CARNS1: variants seen among roughly 807,000 people sequenced by gnomAD.
CARNS1 encodes the protein ATP-grasp domain containing 1.
Under a neutral mutation model 74.0 loss-of-function variants are expected in CARNS1, and 61 were observed. The observed-to-expected ratio is 0.82, with a 90% CI of 0.67 to 1.02. The LOEUF is 1.02. Among genes scored for constraint, CARNS1 ranks in the 50% least tolerant of loss-of-function variants. The pLI is 0.00. For synonymous variants in CARNS1, 568 were observed against 605.5 expected (o/e 0.94, Z 0.91); for missense variants, 1,278 against 1,308.4 (o/e 0.98, Z 0.36).
chr11:67,416,050 G>T, intron 1 of CARNS1, 126 bp from the exon 2 acceptor site: 1 of 692,836 alleles, frequency 1.4e-6, no homozygotes, highest in Non-Finnish European at 2.6e-6. Flanking sequence ...GGGCTGCCTT[G>T]GCCTCTCTCT....
In CARNS1 at chr11:67,424,365, C is replaced by A; in HGVS notation, c.2617C>A (p.Leu873Met). The change falls in exon 10 of 10, where the codon CTG becomes ATG. Residue 873 changes from leucine (L) to methionine (M), a missense_variant. Coordinates refer to ENST00000687366, the MANE Select transcript of CARNS1 (RefSeq NM_001166222.2). The stretch of plus-strand genomic sequence containing the variant: ...CCTTGTGTCCCAGCACCTGCAGGCC[C>A]TGAGTTCCACCGCCAGCCGTGAGAC... ...MCLVSQHLQA[L>M]SSTASRETLQ... The A allele has an allele frequency of 6.2e-7, 1 of 1,600,622 alleles. No homozygotes were observed.
rs1157358877 is a variant in CARNS1, at chr11:67,421,144, A to G, written c.1551A>G (p.Lys517=). 1.3e-6 allele frequency: 2 copies of G among 1,490,128 alleles called. No individual in the cohort carries two copies. The highest frequency in any genetic ancestry group is 1.8e-6 in the Non-Finnish European group (2 of 1,126,652). 92.3% of individuals were successfully genotyped at this position (1,490,128 alleles called of 1,614,324 possible). Residue 517 remains lysine, a synonymous_variant, in exon 9 of 10, where the codon AAA becomes AAG. Transcript: ENST00000687366. ...RRSARCLMEG[K]QLLVVGAGGV... Reference sequence around the variant, plus strand: ...CGGCGCGCTGCCTCATGGAGGGAAAACAGCTGCTGGTGGTCGGCGCTGGCG... The same window carrying G: ...CGGCGCGCTGCCTCATGGAGGGAAAGCAGCTGCTGGTGGTCGGCGCTGGCG...
Position 67,420,931 on chromosome 11 carries a change from C to G in CARNS1, c.1346-8C>G. On this transcript the variant is annotated splice_region_variant and splice_polypyrimidine_tract_variant and intron_variant, in intron 8 of 9. Coordinates refer to ENST00000687366, the MANE Select transcript of CARNS1 (RefSeq NM_001166222.2). ...CGTAGCTGAGCTCGCGCCTCCCGCCCGGCGCAGGCGTGGATTTCGCGCTGA... is the reference window on the plus strand; with the variant it reads ...CGTAGCTGAGCTCGCGCCTCCCGCCGGGCGCAGGCGTGGATTTCGCGCTGA... 1 of 1,380,254 alleles carries G rather than the reference C, an allele frequency of 7.2e-7. No individual in the cohort carries two copies. The highest frequency in any genetic ancestry group is 1.5e-5 in the African/African-American group (1 of 65,784). 85.5% of individuals were successfully genotyped at this position (1,380,254 alleles called of 1,614,324 possible).
chr11:67,423,886 G>C lies in CARNS1; in HGVS notation c.2138G>C (p.Gly713Ala), dbSNP rs1353638709. 2.5e-6 allele frequency: 4 copies of C among 1,613,448 alleles called. No homozygotes were observed. The highest frequency in any genetic ancestry group is 8.5e-7 in the Non-Finnish European group (1 of 1,179,898). Residue 713 changes from glycine to alanine, a missense_variant, in exon 10 of 10, where the codon GGC becomes GCC. Gly to Ala is a moderately conservative substitution (Grantham distance 60). Around this residue, in one of 3 missense-constraint regions of CARNS1, gnomAD observed 1,164 missense variants for 1,156.5 expected, o/e 1.01. Transcript: ENST00000687366. This position sits in a 1 kb window ranked among gnomAD's most constrained non-coding sequence, Gnocchi z 5.1. ...TTGCAGGGCGAGGCCGACCACCCAG[G>C]CATTGGGCTGGGCTGGGGCAATGCC... ...RDLQGEADHP[G>A]IGLGWGNAML...
chr11:67,419,394 C>T, intron 5 of CARNS1, 93 bp from the exon 6 acceptor site: 4 of 1,526,758 alleles, frequency 2.6e-6, no homozygotes, highest in Non-Finnish European at 3.5e-6. Context: ...GCCCTTTTGC[C>T]TCAGTTTACT....
chr11:67,419,792 G>A lies in CARNS1; in HGVS notation c.1067G>A (p.Cys356Tyr). The change falls in exon 7 of 10, where the codon TGT (cysteine) becomes TAT (tyrosine). Residue 356 changes from cysteine to tyrosine, a missense_variant. Transcript: ENST00000687366. ...GGCCCCGGCCTGGCCGTGCGAATCTGTGCTGTGGTGTGTCGGACACAGGGT... is the reference window on the plus strand; with the variant it reads ...GGCCCCGGCCTGGCCGTGCGAATCTATGCTGTGGTGTGTCGGACACAGGGT... The part of the protein sequence containing the change: ...SPGPGLAVRI[C>Y]AVVCRTQGDR... The A allele has an allele frequency of 6.2e-7, 1 of 1,602,484 alleles. No homozygotes were observed. Among genetic ancestry groups the A allele is most frequent in the Non-Finnish European group, 8.5e-7 (1 of 1,174,976 alleles).
At chr11:67,417,094 G>A in intron 2 of CARNS1, 1 of 1,126,492 alleles carries the variant, frequency 8.9e-7, no homozygotes, top group Non-Finnish European at 1.1e-6. Context: ...AAAACAAGCA[G>A]AAAACTCTGC....
At chr11:67,417,312 G>C (rs1863567021) in intron 2 of CARNS1, 95 bp from the exon 3 acceptor site, 5 of 1,265,746 alleles carry the variant, frequency 4.0e-6, no homozygotes, top group Non-Finnish European at 4.0e-6. Flanking sequence ...CCTGAACATA[G>C]CCCAGGCTGG....
chr11:67,423,642 C>T lies in CARNS1; in HGVS notation c.1894C>T (p.Leu632=). The T allele has an allele frequency of 6.2e-7, 1 of 1,607,976 alleles. No homozygotes were observed. ...GGCTAAGCAGAAGAGCCTCACCCAG[C>T]TGCACCTGTTGCACCACCATGGCCC... is the stretch of plus-strand genomic sequence containing the variant. ...RLAKQKSLTQ[L]HLLHHHGPPW... is the part of the protein sequence containing the mutation. Residue 632 remains leucine (L), a synonymous_variant, in exon 10 of 10, where the codon CTG becomes TTG. Coordinates refer to ENST00000687366, the MANE Select transcript of CARNS1 (RefSeq NM_001166222.2). The surrounding 1 kb of genome is among the most constrained non-coding windows in gnomAD (Gnocchi z 5.1).
chr11:67,418,756 G>A lies in CARNS1; in HGVS notation c.365G>A (p.Gly122Glu). Reference sequence around the variant, plus strand: ...AGCCACTTGCCTTCTCTGCCCACAGGAAACATGCTCCTTTGCCTGTCCCCT... The same window carrying A: ...AGCCACTTGCCTTCTCTGCCCACAGAAAACATGCTCCTTTGCCTGTCCCCT... ...VLLEGGVQSPGNMLLCLSPAW... is the reference protein window; with the variant it reads ...VLLEGGVQSPENMLLCLSPAW... Residue 122 changes from glycine to glutamate, a missense_variant and splice_region_variant, in exon 5 of 10, where the codon GGA (glycine) becomes GAA (glutamate). Gly to Glu is a moderately conservative substitution (Grantham distance 98). This residue lies in a region of CARNS1 where 1,164 missense variants were observed against 1,156.5 expected (regional missense o/e 1.01). Transcript: ENST00000687366. The A allele has an allele frequency of 1.3e-6, 2 of 1,584,028 alleles. No homozygotes were observed. Among genetic ancestry groups the A allele is most frequent in the South Asian group, 1.1e-5 (1 of 87,044 alleles).
chr11:67,418,496 C>A lies in CARNS1; in HGVS notation c.340C>A (p.Leu114Met). The A allele has an allele frequency of 6.6e-7, 1 of 1,518,234 alleles. No individual in the cohort carries two copies. The highest frequency in any genetic ancestry group is 8.8e-7 in the Non-Finnish European group (1 of 1,137,492). 94.0% of individuals were successfully genotyped at this position (1,518,234 alleles called of 1,614,324 possible). Residue 114 changes from leucine (L) to methionine (M), a missense_variant, in exon 4 of 10, where the codon CTG becomes ATG. Around this residue, in one of 3 missense-constraint regions of CARNS1, gnomAD observed 1,164 missense variants for 1,156.5 expected, o/e 1.01. Transcript: ENST00000687366. ...GSPSTFLPVLLEGGVQSPGNM... is the reference protein window; with the variant it reads ...GSPSTFLPVLMEGGVQSPGNM... Reference sequence around the variant, plus strand: ...CCCCAGCACCTTTCTGCCTGTGCTGCTGGAGGGTGGGGTCCAGAGCCCGGG... The same window carrying A: ...CCCCAGCACCTTTCTGCCTGTGCTGATGGAGGGTGGGGTCCAGAGCCCGGG...
Position 67,422,261 on chromosome 11 carries a change from G to A in CARNS1, c.1626+1042G>A, listed in dbSNP as rs552275197. The stretch of plus-strand genomic sequence containing the variant: ...TGGAATGGCGCAATCTCGGCCCATT[G>A]CAACCTCTGCCTCCTGGGTTCAAGT... On this transcript the variant is annotated intron_variant, in intron 9 of 9. Coordinates refer to ENST00000687366, the MANE Select transcript of CARNS1 (RefSeq NM_001166222.2). 4.4e-5 allele frequency among the ~76,000 whole-genome samples: 6 copies of A among 136,866 alleles called. No homozygotes were observed. In the East Asian group the frequency reaches 1.3e-3, roughly 31 times the overall value. The allele number at this position is 136,866 out of a possible 152,430, so 89.8% of individuals were successfully genotyped here.
At position 67,424,868 on chromosome 11, in the gene CARNS1, C is replaced by T; in HGVS notation, c.*267C>T. ...TTGGAGAAATGACAATGGCCACACA[C>T]ACACACACACACACACACACACACC... On this transcript the variant is annotated 3_prime_UTR_variant, in exon 10 of 10. Transcript: ENST00000687366. The T allele has an allele frequency of 1.6e-6, 1 of 614,614 alleles. No individual in the cohort carries two copies. Among genetic ancestry groups the T allele is most frequent in the South Asian group, 1.6e-5 (1 of 63,878 alleles). The allele number at this position is 614,614 out of a possible 1,614,324, so 38.1% of individuals were successfully genotyped here. A position where few individuals can be genotyped will look rare whatever the true frequency, so the allele number is the denominator to read the frequency against.
Position 67,423,266 on chromosome 11 carries a change from A to G in CARNS1, c.1627-109A>G, listed in dbSNP as rs1214522277. The G allele has an allele frequency of 3.8e-6, 4 of 1,045,490 alleles. No homozygotes were observed. In the African/African-American group the frequency reaches 6.4e-5, roughly 17 times the overall value. 64.8% of individuals were successfully genotyped at this position (1,045,490 alleles called of 1,614,324 possible). A position where few individuals can be genotyped will look rare whatever the true frequency, so the allele number is the denominator to read the frequency against. ...CACAACACACATTTATTGAGCACCT[A>G]GTGTTTGTGTACTCGTATCCCCTGA... On this transcript the variant is annotated intron_variant, in intron 9 of 9. Transcript: ENST00000687366. This position sits in a 1 kb window ranked among gnomAD's most constrained non-coding sequence, Gnocchi z 5.1.
At chr11:67,419,373 G>C in intron 5 of CARNS1, 114 bp from the exon 6 acceptor site, 4 of 1,495,028 alleles carry the variant, frequency 2.7e-6, no homozygotes, top group Non-Finnish European at 2.7e-6. Flanking sequence ...CCATCTCTGG[G>C]GCAATCCCCT....
rs1395722094 is a variant in CARNS1 at position 67,415,700 on chromosome 11, C to CGCCGCT, written c.-85_-80dup. 1 of 153,918 alleles carries CGCCGCT rather than the reference C, an allele frequency of 6.5e-6. No individual in the cohort carries two copies. Among genetic ancestry groups the CGCCGCT allele is most frequent in the African/African-American group, 2.4e-5 (1 of 41,362 alleles). 9.5% of individuals were successfully genotyped at this position (153,918 alleles called of 1,614,324 possible). A position where few individuals can be genotyped will look rare whatever the true frequency, so the allele number is the denominator to read the frequency against. Reference sequence around the variant, plus strand: ...GGCGCTGTGCCACTGCCACCGCCGCCGCCGCTGCATCCCGCCCGGTCCGAG... The same window carrying CGCCGCT: ...GGCGCTGTGCCACTGCCACCGCCGCCGCCGCTGCCGCTGCATCCCGCCCGGTCCGAG... On this transcript the variant is annotated 5_prime_UTR_variant, in exon 1 of 10. Transcript: ENST00000687366.
intron 9 of CARNS1, among the ~76,000 whole-genome samples, chr11:67,421,493 CG>C (rs567520568): frequency 2.6e-3 from 395 of 152,202 alleles, no homozygotes; most frequent in Middle Eastern, 6.8e-3. Context: ...GAGAGGAGCC[CG>C]GGTAGATGGG....
chr11:67,418,620 C>T, intron 4 of CARNS1, 100 bp downstream of exon 4: 4 of 1,432,586 alleles, frequency 2.8e-6, no homozygotes, highest in Non-Finnish European at 2.8e-6. Flanking sequence ...TGGCAACTGC[C>T]TGCATTCCAC....
rs765868422 is a variant in CARNS1, at chr11:67,419,523, C to A, written c.889C>A (p.Arg297=). The A allele has an allele frequency of 3.1e-6, 5 of 1,609,522 alleles. No individual in the cohort carries two copies. The highest frequency in any genetic ancestry group is 4.2e-6 in the Non-Finnish European group (5 of 1,179,122). Residue 297 remains arginine (R), a synonymous_variant, in exon 6 of 10, where the codon CGG becomes AGG. Transcript: ENST00000687366. The part of the protein sequence containing the change: ...VKLSGWRWRG[R]QAWRLHPRAE... Reference sequence around the variant, plus strand: ...GCTCAGTGGCTGGCGCTGGCGGGGGCGGCAGGCATGGCGTCTGCACCCGCG... The same window carrying A: ...GCTCAGTGGCTGGCGCTGGCGGGGGAGGCAGGCATGGCGTCTGCACCCGCG...
Sources: gnomAD v4.1 joint callset for allele counts (sites outside exome capture counted in the v4.1 genomes callset) on GRCh38, gnomAD v4.1.1 for gene constraint, gnomAD v4.1.1 regional missense constraint, Gnocchi (gnomAD v3.1) non-coding constraint, MANE v1.5 for transcripts, NCBI Gene and HGNC (gene_info 2026-07-23, HGNC 2026-07-21) for gene names.